NLRP2: variants seen among roughly 807,000 people sequenced by gnomAD.
The protein encoded by NLRP2 is NLR family pyrin domain containing 2.
In NLRP2, 107 loss-of-function variants were observed where a neutral mutation model predicts 97.2. The observed-to-expected ratio is 1.10, with a 90% CI of 0.94 to 1.29. The LOEUF is 1.29. NLRP2 is among the 50% of genes most tolerant of loss of function. The pLI, the probability that NLRP2 is intolerant of heterozygous loss-of-function variation, is 0.00. For synonymous variants in NLRP2, 663 were observed against 551.5 expected, an observed-to-expected ratio of 1.20 and a Z score of -2.83; for missense variants, 1,495 against 1,330.3, an observed-to-expected ratio of 1.12 and a Z score of -1.93.
Position 54,973,201 on chromosome 19 carries a change from CAAA to C in NLRP2, c.281-1298_281-1296del, listed in dbSNP as rs1568469979. On this transcript the variant is annotated intron_variant, in intron 2 of 12. Coordinates refer to ENST00000448584, the MANE Select transcript of NLRP2 (RefSeq NM_017852.5). ...AAGACTCCATCTCAAAAAAAAAAAA[CAAA>C]CAAACATGGTATTAATTACACAATG... Among the ~76,000 whole-genome samples, 3 of 143,880 alleles carry C rather than the reference CAAA, an allele frequency of 2.1e-5. No individual in the cohort carries two copies. The East Asian group carries it at 6.0e-4, about 29-fold the overall frequency. 94.4% of individuals were successfully genotyped at this position (143,880 alleles called of 152,430 possible).
intron 7 of NLRP2, among the ~76,000 whole-genome samples, chr19:54,985,665 G>C (rs560086767): frequency 2.4e-4 from 31 of 129,680 alleles, no homozygotes; most frequent in Middle Eastern, 4.6e-3. Context: ...GTGACAGAGC[G>C]AGACTGCGTC....
At chr19:54,977,196 C>G (rs111930996) in intron 3 of NLRP2, among the ~76,000 whole-genome samples, 227 of 152,062 alleles carry the variant, frequency 1.5e-3, no homozygotes, top group African/African-American at 5.2e-3. Context: ...GCCTGGCAGG[C>G]AGATCACCTG....
intron 1 of NLRP2, among the ~76,000 whole-genome samples, chr19:54,968,063 C>T (rs1200969841): frequency 6.6e-5 from 10 of 151,462 alleles, no homozygotes; most frequent in Admixed American, 5.3e-4. Flanking sequence ...GGACTACAGC[C>T]GCCTGTCACC....
chr19:54,996,396 T>C (rs1275347431), intron 11 of NLRP2, among the ~76,000 whole-genome samples: 1 of 151,758 alleles, frequency 6.6e-6, no homozygotes, highest in Admixed American at 6.6e-5. Flanking sequence ...TATAATCTCA[T>C]CTACTTGGAG....
chr19:54,998,611 CTTTTTTT>C (rs375510249), intron 12 of NLRP2, among the ~76,000 whole-genome samples: 1,140 of 42,258 alleles, frequency 0.027, 44 homozygotes, highest in African/African-American at 0.088. Flanking sequence ...CATCTTTTTT[CTTTTTTT>C]TTTTTTTTTT....
chr19:54,983,536 A>T lies in NLRP2; in HGVS notation c.1838A>T (p.Gln613Leu). The change falls in exon 6 of 13, where the codon CAG (glutamine) becomes CTG (leucine). Residue 613 changes from glutamine to leucine, a missense_variant. Coordinates refer to ENST00000448584, the MANE Select transcript of NLRP2 (RefSeq NM_017852.5). ...CTCCTCGGCTGTCTGTACGAGTCTC[A>T]GGAGGAGGAGCTGGTGAAGGAGGTG... is the stretch of plus-strand genomic sequence containing the variant. Reference protein sequence around the residue: ...QELLGCLYESQEEELVKEVMA... With the variant: ...QELLGCLYESLEEELVKEVMA... 6.2e-7 allele frequency: 1 copy of T among 1,614,140 alleles called. No homozygotes were observed. Among genetic ancestry groups the T allele is most frequent in the Non-Finnish European group, 8.5e-7 (1 of 1,179,988 alleles).
In NLRP2 at chr19:54,966,765, C is replaced by T. The variant is rs551105974; in HGVS notation, c.-18+298C>T. Among the ~76,000 whole-genome samples the T allele has an allele frequency of 9.1e-4, 136 of 150,034 alleles. 1 individual carries two copies. The highest frequency in any genetic ancestry group is 3.3e-3 in the African/African-American group (134 of 40,820). The stretch of plus-strand genomic sequence containing the variant: ...GTTTCACCATGTTGGCCAGGCTGGT[C>T]TCAGTCCGCCTCGGCCTCCCAAGGT... On this transcript the variant is annotated intron_variant, in intron 1 of 12. Coordinates refer to ENST00000448584, the MANE Select transcript of NLRP2 (RefSeq NM_017852.5).
At chr19:54,997,633 C>T in intron 12 of NLRP2, 146 bp downstream of exon 12, 4 of 875,384 alleles carry the variant, frequency 4.6e-6, no homozygotes, top group Middle Eastern at 3.2e-4. Context: ...CTGTATTTCA[C>T]TTGGAGAAAC....
At chr19:54,973,607 C>T (rs546105583) in intron 2 of NLRP2, among the ~76,000 whole-genome samples, 1 of 152,178 alleles carries the variant, frequency 6.6e-6, no homozygotes, top group Non-Finnish European at 1.5e-5. Context: ...CTCCCGACCT[C>T]AGGTGATCTG....
At chr19:54,996,586 A>G (rs968478786) in intron 11 of NLRP2, among the ~76,000 whole-genome samples, 1 of 152,122 alleles carries the variant, frequency 6.6e-6, no homozygotes, top group African/African-American at 2.4e-5. Flanking sequence ...GTAAAATCCT[A>G]TATTGACGAT....
chr19:54,972,530 A>G (rs533411796), intron 2 of NLRP2, among the ~76,000 whole-genome samples: 3 of 151,924 alleles, frequency 2.0e-5, no homozygotes, highest in Non-Finnish European at 4.4e-5. Flanking sequence ...GCTGGAGTAC[A>G]ATGGGGCAAT....
In NLRP2 at chr19:54,984,329, G is replaced by GTTTTTTTTTTTTT. The variant is rs200366059; in HGVS notation, c.2030+612_2030+624dup. Among the ~76,000 whole-genome samples the GTTTTTTTTTTTTT allele has an allele frequency of 2.9e-3, 232 of 79,634 alleles. 11 individuals carry two copies. The highest frequency in any genetic ancestry group is 8.8e-3 in the Middle Eastern group (1 of 114). 52.2% of individuals were successfully genotyped at this position (79,634 alleles called of 152,430 possible). Reference sequence around the variant, plus strand: ...AACTTAAGTGGGGGTTTTTTTTTGTGTTTTTTTTTTTTTTTTTTTTTTTGG... The same window carrying GTTTTTTTTTTTTT: ...AACTTAAGTGGGGGTTTTTTTTTGTGTTTTTTTTTTTTTTTTTTTTTTTTTTTTTTTTTTTTGG... On this transcript the variant is annotated intron_variant, in intron 6 of 12. Transcript: ENST00000448584.
intron 2 of NLRP2, among the ~76,000 whole-genome samples, chr19:54,970,635 A>G (rs2070784450): frequency 6.6e-6 from 1 of 151,776 alleles, no homozygotes; most frequent in South Asian, 2.1e-4. Flanking sequence ...CAGCCTGGGC[A>G]ACAAGAGCAA....
intron 6 of NLRP2, among the ~76,000 whole-genome samples, chr19:54,984,500 T>TTTTTTTTTTA (rs764786892): frequency 1.5e-5 from 2 of 132,852 alleles, no homozygotes; most frequent in Admixed American, 7.8e-5. Flanking sequence ...TTTTTTTTTT[T>TTTTTTTTTTA]GAGACGGAGT....
At position 54,985,783 on chromosome 19, in the gene NLRP2, G is replaced by A. The variant is rs113220667; in HGVS notation, c.2202-368G>A. On this transcript the variant is annotated intron_variant, in intron 7 of 12. Transcript: ENST00000448584. ...GCCCAAGGTGGGGGGATCACTTGAG[G>A]TCAGGAGTTCAAGACCAGCCTGGCC... Among the ~76,000 whole-genome samples, 411 of 152,186 alleles carry A rather than the reference G, an allele frequency of 2.7e-3. 2 individuals carry two copies. The highest frequency in any genetic ancestry group is 9.6e-3 in the African/African-American group (398 of 41,534).
chr19:54,990,021 G>T lies in NLRP2; in HGVS notation c.2367-1G>T. 2 of 1,613,680 alleles carry T rather than the reference G, an allele frequency of 1.2e-6. No individual in the cohort carries two copies. Among genetic ancestry groups the T allele is most frequent in the Non-Finnish European group, 1.7e-6 (2 of 1,179,934 alleles). On this transcript the variant is annotated splice_acceptor_variant, in intron 8 of 12. Coordinates refer to ENST00000448584, the MANE Select transcript of NLRP2 (RefSeq NM_017852.5). LOFTEE classifies it high-confidence loss of function. ...ATGACGTGGTCCTATTTCTCCCACA[G>T]GTTGGTGTCTTGTTCCGCTACCACT...
Position 54,997,505 on chromosome 19 carries a change from C to A in NLRP2, c.3050+18C>A, listed in dbSNP as rs1239193381. ...ACACTCAGGTATGATCCATTTACTT[C>A]CCCATCAGGCTTTCTCCAGAGTGGT... is the stretch of plus-strand genomic sequence containing the variant. On this transcript the variant is annotated intron_variant, in intron 12 of 12. Transcript: ENST00000448584. 3 of 1,613,770 alleles carry A rather than the reference C, an allele frequency of 1.9e-6. No homozygotes were observed. The highest frequency in any genetic ancestry group is 1.7e-6 in the Non-Finnish European group (2 of 1,179,696).
At chr19:54,990,900 GTTT>G in intron 10 of NLRP2, 2 of 525,446 alleles carry the variant, frequency 3.8e-6, no homozygotes, top group South Asian at 4.6e-5. Context: ...TGGTTTTCGG[GTTT>G]TTTTTTTCCT....
chr19:54,989,384 ATC>A, intron 8 of NLRP2, among the ~76,000 whole-genome samples: 1 of 152,222 alleles, frequency 6.6e-6, no homozygotes, highest in East Asian at 1.9e-4. Flanking sequence ...AGGCGGGAGA[ATC>A]TCTTGAATCT....
Sources: gnomAD v4.1 joint callset for allele counts (sites outside exome capture counted in the v4.1 genomes callset) on GRCh38, gnomAD v4.1.1 for gene constraint, MANE v1.5 for transcripts, NCBI Gene and HGNC (gene_info 2026-07-23, HGNC 2026-07-21) for gene names.